The following GAD2 variants were observed in gnomAD, a reference collection of about 807,000 sequenced individuals.
The protein encoded by GAD2 is 65 kDa glutamic acid decarboxylase.
A neutral mutation model predicts 80.1 loss-of-function variants in GAD2; 22 were observed. That is an observed-to-expected ratio of 0.27 (90% CI 0.20 to 0.39). The LOEUF (loss-of-function observed/expected upper bound fraction) is 0.39, where lower values mean the gene tolerates loss of function less well. GAD2 is among the 10% of genes least tolerant of loss of function. GAD2 has a pLI of 1.00. For missense variants in GAD2, 624 were observed against 738.4 expected (o/e 0.85, Z 1.80); for synonymous variants, 274 against 256.9 (o/e 1.07, Z -0.64).
chr10:26,274,428 A>G (rs1229290975), intron 11 of GAD2, among the ~76,000 whole-genome samples: 2 of 152,242 alleles, frequency 1.3e-5, no homozygotes, highest in Non-Finnish European at 2.9e-5. Flanking sequence ...AACCACATGC[A>G]AGGGGAGCCC....
At chr10:26,294,542 G>A (rs1408159763) in intron 15 of GAD2, among the ~76,000 whole-genome samples, 2 of 152,180 alleles carry the variant, frequency 1.3e-5, no homozygotes, top group Non-Finnish European at 2.9e-5. Context: ...GATTGTGCTT[G>A]GATGGGCCTG....
chr10:26,218,363 A>G (rs1844408474), intron 3 of GAD2: 1 of 202,524 alleles, frequency 4.9e-6, no homozygotes, highest in Non-Finnish European at 9.8e-6. Flanking sequence ...CCGAGAATTC[A>G]GAATTGCATT....
At chr10:26,254,992 G>A (rs1164983544) in intron 8 of GAD2, among the ~76,000 whole-genome samples, 1 of 152,234 alleles carries the variant, frequency 6.6e-6, no homozygotes, top group African/African-American at 2.4e-5. Context: ...GAGATACTGA[G>A]TTTGACGAGG....
At chr10:26,289,098 A>G (rs1834184121) in intron 13 of GAD2, among the ~76,000 whole-genome samples, 1 of 152,112 alleles carries the variant, frequency 6.6e-6, no homozygotes, top group African/African-American at 2.4e-5. Context: ...GAAAAACGAA[A>G]TGATAATCAT....
intron 7 of GAD2, 69 bp from the exon 8 acceptor site, chr10:26,245,852 C>A (rs1229675418): frequency 4.0e-6 from 5 of 1,237,542 alleles, no homozygotes; most frequent in South Asian, 1.3e-5. Flanking sequence ...AAACAGAAAA[C>A]AAACAGCCAG....
upstream of GAD2, chr10:26,216,699 C>A: frequency 1.4e-6 from 1 of 731,298 alleles, no homozygotes; most frequent in Non-Finnish European, 2.1e-6. This position sits in a 1 kb window ranked among gnomAD's most constrained non-coding sequence, Gnocchi z 4.7. Flanking sequence ...CCGGTCCCCG[C>A]GCGGTGCCCT....
intron 7 of GAD2, among the ~76,000 whole-genome samples, chr10:26,241,031 G>T (rs1844735749): frequency 6.6e-6 from 1 of 151,654 alleles, no homozygotes; most frequent in Admixed American, 6.5e-5. Flanking sequence ...GACAGAGTGA[G>T]ACTCCGTCTC....
At chr10:26,247,895 C>CA (rs11407523) in intron 8 of GAD2, among the ~76,000 whole-genome samples, 12,474 of 45,638 alleles carry the variant, frequency 0.27, 1,072 homozygotes, top group East Asian at 0.45. Flanking sequence ...GACTCCATCT[C>CA]AAAAAAAAAA....
In GAD2 at chr10:26,219,184, A is replaced by G. The variant is rs1268113047; in HGVS notation, c.428A>G (p.Gln143Arg). 13 of 1,613,732 alleles carry G rather than the reference A, an allele frequency of 8.1e-6. No individual in the cohort carries two copies. Among genetic ancestry groups the G allele is most frequent in the Non-Finnish European group, 1.1e-5 (13 of 1,179,918 alleles). The change falls in exon 4 of 16, where the codon CAA (glutamine) becomes CGA (arginine). Residue 143 changes from glutamine to arginine, a missense_variant. By Grantham distance (43) the Gln-to-Arg change is conservative. Transcript: ENST00000376261. ...TTCCATTATCCTAATGAGCTTCTCCAAGAATATAATTGGGAATTGGCAGAC... is the reference window on the plus strand; with the variant it reads ...TTCCATTATCCTAATGAGCTTCTCCGAGAATATAATTGGGAATTGGCAGAC... ...IDFHYPNELL[Q>R]EYNWELADQP... is the part of the protein sequence containing the mutation.
intron 15 of GAD2, among the ~76,000 whole-genome samples, chr10:26,296,282 AG>A (rs1045677931): frequency 6.6e-6 from 1 of 152,172 alleles, no homozygotes; most frequent in Admixed American, 6.6e-5. Context: ...AAATTTTGGG[AG>A]GACAGAAAAA....
intron 7 of GAD2, among the ~76,000 whole-genome samples, chr10:26,230,812 G>A (rs1037447387): frequency 6.6e-6 from 1 of 152,026 alleles, no homozygotes; most frequent in African/African-American, 2.4e-5. Flanking sequence ...ACCGTACCAG[G>A]CACGGTGGCT....
rs1844401001 is a variant in GAD2, at chr10:26,217,953, C to G, written c.248C>G (p.Ser83Cys). 3.1e-6 allele frequency: 5 copies of G among 1,611,728 alleles called. No individual in the cohort carries two copies. The highest frequency in any genetic ancestry group is 4.2e-6 in the Non-Finnish European group (5 of 1,179,118). ...TGCGACCAGAAGCCCTGCAGCTGCT[C>G]CAAAGTGGATGTCAACTACGCGTTT... is the stretch of plus-strand genomic sequence containing the variant. ...CACDQKPCSC[S>C]KVDVNYAFLH... The change falls in exon 3 of 16, where the codon TCC becomes TGC. Residue 83 changes from serine (S) to cysteine (C), a missense_variant. By Grantham distance (112) the Ser-to-Cys change is moderately radical. Coordinates refer to ENST00000376261, the MANE Select transcript of GAD2 (RefSeq NM_001134366.2). This position sits in a 1 kb window ranked among gnomAD's most constrained non-coding sequence, Gnocchi z 4.9.
chr10:26,235,741 G>A (rs1031203576), intron 7 of GAD2, among the ~76,000 whole-genome samples: 5 of 152,072 alleles, frequency 3.3e-5, no homozygotes, highest in Admixed American at 2.0e-4. Context: ...ATGAGTTTTA[G>A]GTTCTCTCTT....
At chr10:26,231,971 C>T (rs181097534) in intron 7 of GAD2, among the ~76,000 whole-genome samples, 1 of 152,324 alleles carries the variant, frequency 6.6e-6, no homozygotes, top group Admixed American at 6.5e-5. Flanking sequence ...AACCTAATCA[C>T]ATCTGCAAAG....
At chr10:26,258,461 C>T (rs1253816552) in intron 8 of GAD2, among the ~76,000 whole-genome samples, 1 of 152,090 alleles carries the variant, frequency 6.6e-6, no homozygotes, top group Non-Finnish European at 1.5e-5. Context: ...GTCGTGCAAC[C>T]ATCATCAATA....
At chr10:26,295,499 C>T (rs1834263724) in intron 15 of GAD2, among the ~76,000 whole-genome samples, 1 of 143,966 alleles carries the variant, frequency 6.9e-6, no homozygotes, top group African/African-American at 2.6e-5. Context: ...GTAAAATATT[C>T]ATACGCATGC....
At chr10:26,262,865 T>A (rs974477119) in intron 8 of GAD2, among the ~76,000 whole-genome samples, 1 of 151,824 alleles carries the variant, frequency 6.6e-6, no homozygotes, top group Non-Finnish European at 1.5e-5. Flanking sequence ...TTTTTTTTCC[T>A]CTCTACAGAT....
chr10:26,292,355 G>T, intron 13 of GAD2, 110 bp from the exon 14 acceptor site: 1 of 754,930 alleles, frequency 1.3e-6, no homozygotes, highest in Non-Finnish European at 2.3e-6. Flanking sequence ...TGTTGAGAAA[G>T]TGCCAGACGG....
chr10:26,237,692 A>T (rs1272063793), intron 7 of GAD2, among the ~76,000 whole-genome samples: 3 of 152,066 alleles, frequency 2.0e-5, no homozygotes, highest in African/African-American at 7.2e-5. Context: ...ATTTCCCTAC[A>T]TACATATATT....
Sources: gnomAD v4.1 joint callset for allele counts (sites outside exome capture counted in the v4.1 genomes callset) on GRCh38, gnomAD v4.1.1 for gene constraint, Gnocchi (gnomAD v3.1) non-coding constraint, MANE v1.5 for transcripts, NCBI Gene and HGNC (gene_info 2026-07-23, HGNC 2026-07-21) for gene names.